DGKB: variants seen among roughly 807,000 people sequenced by gnomAD.
DGKB encodes 90 kDa diacylglycerol kinase.
Under a neutral mutation model 114.3 loss-of-function variants are expected in DGKB, and 67 were observed. That is an observed-to-expected ratio of 0.59 (90% CI 0.48 to 0.72). DGKB has a LOEUF of 0.72. Among genes scored for constraint, DGKB ranks in the 30% least tolerant of loss-of-function variants. DGKB has a pLI of 0.00. For missense variants in DGKB, 907 were observed against 975.2 expected (o/e 0.93, Z 0.93); for synonymous variants, 398 against 323.1 (o/e 1.23, Z -2.49).
At chr7:14,432,504 A>C (rs953534978) in intron 21 of DGKB, among the ~76,000 whole-genome samples, 1 of 152,152 alleles carries the variant, frequency 6.6e-6, no homozygotes, top group African/African-American at 2.4e-5. Context: ...TTTCTCATTT[A>C]TTATCCTACT....
intron 2 of DGKB, among the ~76,000 whole-genome samples, chr7:14,801,017 A>G (rs1310602660): frequency 1.3e-5 from 2 of 152,220 alleles, no homozygotes; most frequent in African/African-American, 2.4e-5. Context: ...TATAGAAACA[A>G]GGAAAAAAGG....
intron 20 of DGKB, among the ~76,000 whole-genome samples, chr7:14,542,455 T>C (rs1335311625): frequency 6.6e-6 from 1 of 152,168 alleles, no homozygotes; most frequent in African/African-American, 2.4e-5. Context: ...AACATTCTTC[T>C]TGTCCAGAAA....
At chr7:14,852,298 TTG>T (rs1029978704) in intron 1 of DGKB, among the ~76,000 whole-genome samples, 2 of 148,892 alleles carry the variant, frequency 1.3e-5, no homozygotes, top group Non-Finnish European at 1.5e-5. Context: ...GTGTGTGTGT[TTG>T]TGTGTGTGTG....
intron 20 of DGKB, among the ~76,000 whole-genome samples, chr7:14,555,352 T>C (rs946104408): frequency 6.6e-6 from 1 of 152,220 alleles, no homozygotes; most frequent in Non-Finnish European, 1.5e-5. Flanking sequence ...AGAAATTTGG[T>C]AGCATTTAGT....
chr7:14,758,602 T>C (rs993840830), intron 2 of DGKB, among the ~76,000 whole-genome samples: 1 of 152,152 alleles, frequency 6.6e-6, no homozygotes, highest in East Asian at 1.9e-4. Flanking sequence ...TTCCCAGTTT[T>C]CTTTTATGGA....
chr7:14,775,960 A>C (rs1300499834), intron 2 of DGKB, among the ~76,000 whole-genome samples: 1 of 152,080 alleles, frequency 6.6e-6, no homozygotes, highest in African/African-American at 2.4e-5. Context: ...GAAGAATGTG[A>C]GAAAGTTTGG....
intron 2 of DGKB, among the ~76,000 whole-genome samples, chr7:14,840,011 T>A (rs1261329134): frequency 6.6e-6 from 1 of 152,174 alleles, no homozygotes; most frequent in East Asian, 1.9e-4. Context: ...TAATATGTAC[T>A]CTATAATTAA....
intron 20 of DGKB, among the ~76,000 whole-genome samples, chr7:14,564,375 G>C (rs750871405): frequency 2.0e-5 from 3 of 152,114 alleles, no homozygotes; most frequent in African/African-American, 7.2e-5. Context: ...GCCTGGGCCT[G>C]GTCTTCAGTG....
intron 21 of DGKB, among the ~76,000 whole-genome samples, chr7:14,427,082 C>G (rs1353418019): frequency 1.3e-5 from 2 of 151,734 alleles, no homozygotes; most frequent in Non-Finnish European, 2.9e-5. Flanking sequence ...GGAACACACA[C>G]TGGGGCCTGT....
intron 21 of DGKB, among the ~76,000 whole-genome samples, chr7:14,378,765 G>T (rs959408001): frequency 6.6e-6 from 1 of 152,124 alleles, no homozygotes; most frequent in Non-Finnish European, 1.5e-5. Context: ...AAAATGTGCA[G>T]AAAGTCCCTT....
chr7:14,571,208 A>C (rs1798331651), intron 20 of DGKB, among the ~76,000 whole-genome samples: 1 of 152,230 alleles, frequency 6.6e-6, no homozygotes, highest in Non-Finnish European at 1.5e-5. Flanking sequence ...AGAACTCTCT[A>C]ATTAGTGATA....
At chr7:14,910,866 A>C (rs971902152) in intron 1 of DGKB, among the ~76,000 whole-genome samples, 3 of 152,180 alleles carry the variant, frequency 2.0e-5, no homozygotes, top group African/African-American at 7.2e-5. Flanking sequence ...AATATCACTA[A>C]TGCTTGAAAT....
chr7:14,372,027 T>G (rs555293097), intron 21 of DGKB, among the ~76,000 whole-genome samples: 1 of 152,308 alleles, frequency 6.6e-6, no homozygotes, highest in Admixed American at 6.5e-5. Context: ...GTCCCAAGTC[T>G]GGGAAAATGT....
intron 1 of DGKB, among the ~76,000 whole-genome samples, chr7:14,879,148 A>G (rs1157211530): frequency 6.6e-6 from 1 of 152,068 alleles, no homozygotes. Context: ...ACAATGATTC[A>G]CAGATTAAGG....
At chr7:14,799,762 C>T (rs974224752) in intron 2 of DGKB, among the ~76,000 whole-genome samples, 1 of 152,124 alleles carries the variant, frequency 6.6e-6, no homozygotes, top group African/African-American at 2.4e-5. Flanking sequence ...GGCTTTGCAG[C>T]AAGTACAGGC....
chr7:14,728,687 G>A (rs1299967031), intron 5 of DGKB, among the ~76,000 whole-genome samples: 1 of 135,038 alleles, frequency 7.4e-6, no homozygotes, highest in East Asian at 2.3e-4. Context: ...GCCTCAAGCT[G>A]CACTTTCCAG....
intron 23 of DGKB, among the ~76,000 whole-genome samples, chr7:14,272,845 T>C (rs893098266): frequency 1.3e-5 from 2 of 152,180 alleles, no homozygotes; most frequent in Non-Finnish European, 2.9e-5. Context: ...CAATTGCAAA[T>C]TCTTTCTGAA....
chr7:14,950,324 A>G (rs1056707784), intron 1 of DGKB, among the ~76,000 whole-genome samples: 2 of 151,890 alleles, frequency 1.3e-5, no homozygotes, highest in Non-Finnish European at 2.9e-5. Flanking sequence ...CAAATTAATA[A>G]CCTAAATTTT....
At chr7:14,571,692 G>C (rs1368402632) in intron 20 of DGKB, among the ~76,000 whole-genome samples, 2 of 152,154 alleles carry the variant, frequency 1.3e-5, no homozygotes, top group Non-Finnish European at 2.9e-5. Flanking sequence ...CGAAAGAAAG[G>C]CCAGATTATA....
Sources: gnomAD v4.1 joint callset for allele counts (sites outside exome capture counted in the v4.1 genomes callset) on GRCh38, gnomAD v4.1.1 for gene constraint, MANE v1.5 for transcripts, NCBI Gene and HGNC (gene_info 2026-07-23, HGNC 2026-07-21) for gene names.